The following CDCP1 variants were observed in gnomAD, a reference collection of about 807,000 sequenced individuals.
The protein encoded by CDCP1 is CUB domain-containing protein 1.
Under a neutral mutation model 60.2 loss-of-function variants are expected in CDCP1, and 29 were observed. The observed-to-expected ratio is 0.48, with a 90% CI of 0.36 to 0.66. CDCP1 has a LOEUF of 0.66. CDCP1 is among the 30% of genes least tolerant of loss of function. The pLI, the probability that CDCP1 is intolerant of heterozygous loss-of-function variation, is 0.00. For missense variants in CDCP1, 876 were observed against 1,074.3 expected (o/e 0.82, Z 2.58); for synonymous variants, 387 against 431.1 (o/e 0.90, Z 1.27).
chr3:45,125,506 G>A (rs1316540757), intron 1 of CDCP1, among the ~76,000 whole-genome samples: 1 of 152,314 alleles, frequency 6.6e-6, no homozygotes, highest in Admixed American at 6.5e-5. Context: ...AGGCCTAAAT[G>A]AGTTAATACC....
At chr3:45,135,471 T>C (rs1487891854) in intron 1 of CDCP1, among the ~76,000 whole-genome samples, 2 of 152,132 alleles carry the variant, frequency 1.3e-5, no homozygotes, top group Non-Finnish European at 2.9e-5. Context: ...TTTGGAGTAA[T>C]CAAGAATTTA....
At chr3:45,124,487 G>A (rs1698940300) in intron 1 of CDCP1, among the ~76,000 whole-genome samples, 1 of 152,158 alleles carries the variant, frequency 6.6e-6, no homozygotes, top group South Asian at 2.1e-4. Context: ...AAGATGCATG[G>A]TGCCCTGGAG....
chr3:45,134,666 C>G (rs1041390998), intron 1 of CDCP1, among the ~76,000 whole-genome samples: 23 of 152,294 alleles, frequency 1.5e-4, no homozygotes, highest in African/African-American at 5.3e-4. Context: ...AGATGGCAAA[C>G]AGGTTTCTGA....
chr3:45,145,085 G>A (rs1699355456), intron 1 of CDCP1, among the ~76,000 whole-genome samples: 2 of 152,024 alleles, frequency 1.3e-5, no homozygotes, highest in South Asian at 4.2e-4. Context: ...CCTGATGTTG[G>A]AGAATGAACC....
intron 4 of CDCP1, among the ~76,000 whole-genome samples, chr3:45,104,103 A>G (rs188804779): frequency 6.6e-6 from 1 of 152,270 alleles, no homozygotes; most frequent in Admixed American, 6.5e-5. Flanking sequence ...TGGGTGTGAA[A>G]CACTATTGTG....
Position 45,091,462 on chromosome 3 carries a change from C to A in CDCP1, c.1704G>T (p.Leu568=), listed in dbSNP as rs1225310607. The change falls in exon 7 of 9, where the codon CTG becomes CTT. Residue 568 remains leucine, a synonymous_variant. Transcript: ENST00000296129. This position sits in a 1 kb window ranked among gnomAD's most constrained non-coding sequence, Gnocchi z 4.8. The part of the protein sequence containing the change: ...YLRTPNWDRG[L]PSLTSVSWNI... ...TCCAGGACACAGAGGTGAGGGATGG[C>A]AGGCCCCGGTCCCAGTTGGGGGTCC... 1.2e-6 allele frequency: 2 copies of A among 1,610,868 alleles called. No individual in the cohort carries two copies. The highest frequency in any genetic ancestry group is 1.7e-4 in the Middle Eastern group (1 of 6,058).
At chr3:45,109,119 T>C (rs925987456) in intron 4 of CDCP1, among the ~76,000 whole-genome samples, 6 of 151,076 alleles carry the variant, frequency 4.0e-5, no homozygotes, top group Non-Finnish European at 7.4e-5. Context: ...CTGGCTAATT[T>C]TTGACTTTTT....
At chr3:45,129,682 G>A (rs745687141) in intron 1 of CDCP1, among the ~76,000 whole-genome samples, 9 of 152,032 alleles carry the variant, frequency 5.9e-5, no homozygotes, top group Non-Finnish European at 1.0e-4. Flanking sequence ...ACACGCAAAG[G>A]CCCACAGCTC....
chr3:45,097,738 G>A lies in CDCP1; in HGVS notation c.1025-2170C>T, dbSNP rs148256688. 2.2e-3 allele frequency among the ~76,000 whole-genome samples: 335 copies of A among 152,206 alleles called. 3 individuals carry two copies. The highest frequency in any genetic ancestry group is 7.2e-3 in the African/African-American group (298 of 41,542). ...TCTTGAACTGGCTGCAGGGAAGCTCGGTGTCAAATTAGTAGCACAATTAGG... is the reference window on the plus strand; with the variant it reads ...TCTTGAACTGGCTGCAGGGAAGCTCAGTGTCAAATTAGTAGCACAATTAGG... On this transcript the variant is annotated intron_variant, in intron 4 of 8. Transcript: ENST00000296129.
intron 8 of CDCP1, 38 bp downstream of exon 8, chr3:45,089,016 C>T (rs777356996): frequency 2.3e-5 from 33 of 1,465,770 alleles, no homozygotes; most frequent in Middle Eastern, 1.7e-4. Context: ...TCTGAGGAGG[C>T]ATCAAATCAG....
chr3:45,109,172 C>T (rs578055696), intron 4 of CDCP1, among the ~76,000 whole-genome samples: 1 of 151,804 alleles, frequency 6.6e-6, no homozygotes, highest in East Asian at 1.9e-4. Context: ...TGGTCTCGAA[C>T]TCCTGACCTC....
At chr3:45,140,769 T>C (rs150492156) in intron 1 of CDCP1, among the ~76,000 whole-genome samples, 207 of 152,372 alleles carry the variant, frequency 1.4e-3, no homozygotes, top group African/African-American at 4.4e-3. Context: ...GTAGAACTTA[T>C]GTTTCATCTA....
At chr3:45,088,066 C>T (rs1335416313) in intron 8 of CDCP1, among the ~76,000 whole-genome samples, 11 of 151,812 alleles carry the variant, frequency 7.2e-5, no homozygotes, top group Non-Finnish European at 1.3e-4. Context: ...GAAGGTCAAA[C>T]CATGTTAAGG....
chr3:45,142,562 C>T (rs1699308712), intron 1 of CDCP1, among the ~76,000 whole-genome samples: 1 of 152,076 alleles, frequency 6.6e-6, no homozygotes, highest in South Asian at 2.1e-4. Flanking sequence ...GAGAAACAAG[C>T]ACTAACACAC....
chr3:45,093,599 G>T lies in CDCP1; in HGVS notation c.1305C>A (p.Asp435Glu). 1 of 1,614,238 alleles carries T rather than the reference G, an allele frequency of 6.2e-7. No homozygotes were observed. The highest frequency in any genetic ancestry group is 8.5e-7 in the Non-Finnish European group (1 of 1,180,044). The change falls in exon 6 of 9, where the codon GAC (aspartate) becomes GAA (glutamate). Residue 435 changes from aspartate to glutamate, a missense_variant. By Grantham distance (45) the Asp-to-Glu change is conservative. Coordinates refer to ENST00000296129, the MANE Select transcript of CDCP1 (RefSeq NM_022842.5). ...GCAGCTCCACAGGCAGGTGGAGGAT[G>T]TCACTGGGCACCTGGAGTGAGTAGG... ...RKSYSLQVPS[D>E]ILHLPVELHD...
chr3:45,124,879 T>C (rs1220918107), intron 1 of CDCP1, among the ~76,000 whole-genome samples: 25 of 152,192 alleles, frequency 1.6e-4, no homozygotes, highest in Admixed American at 1.6e-3. Context: ...TGCAATGATT[T>C]CTCCCAACCT....
intron 3 of CDCP1, among the ~76,000 whole-genome samples, chr3:45,111,445 G>T (rs1053581432): frequency 5.3e-5 from 8 of 152,184 alleles, no homozygotes; most frequent in Non-Finnish European, 7.3e-5. Flanking sequence ...GGAGGCCAAG[G>T]CAGGAGGATT....
intron 2 of CDCP1, among the ~76,000 whole-genome samples, chr3:45,117,247 C>T (rs1017940414): frequency 6.6e-6 from 1 of 152,146 alleles, no homozygotes; most frequent in South Asian, 2.1e-4. Context: ...ATGCATGTTT[C>T]CCTACCTAAT....
Position 45,085,952 on chromosome 3 carries a change from C to T in CDCP1, c.2197G>A (p.Val733Met), listed in dbSNP as rs751407479. The change falls in exon 9 of 9, where the codon GTG becomes ATG. Residue 733 changes from valine (V) to methionine (M), a missense_variant. Transcript: ENST00000296129. The surrounding 1 kb of genome is among the most constrained non-coding windows in gnomAD (Gnocchi z 4.2). ...QKGRKDNDSH[V>M]YAVIEDTMVY... ...ATGGTGTCCTCGATGACTGCATACA[C>T]ATGGGAGTCATTGTCCTTTCGCCCT... 5.6e-6 allele frequency: 9 copies of T among 1,614,216 alleles called. No individual in the cohort carries two copies. The highest frequency in any genetic ancestry group is 7.6e-6 in the Non-Finnish European group (9 of 1,180,038).
Sources: allele counts gnomAD v4.1 joint callset (sites outside exome capture counted in the v4.1 genomes callset), GRCh38; gene constraint gnomAD v4.1.1; non-coding constraint Gnocchi (gnomAD v3.1); transcripts MANE v1.5; gene names NCBI Gene and HGNC (gene_info 2026-07-23, HGNC 2026-07-21).